GALNT13: variants seen among roughly 807,000 people sequenced by gnomAD.
The protein encoded by GALNT13 is UDP-GalNAc:polypeptide N-acetylgalactosaminyltransferase 13.
In GALNT13, 28 loss-of-function variants were observed where a neutral mutation model predicts 64.2. The ratio of observed to expected loss-of-function variants is 0.44; its 90% CI spans 0.32 to 0.60. The LOEUF (loss-of-function observed/expected upper bound fraction) is 0.60. Ranked by LOEUF, GALNT13 falls within the 20% of genes least tolerant of loss-of-function variation. The pLI is 0.05. For missense variants in GALNT13, 577 were observed against 669.8 expected, an observed-to-expected ratio of 0.86 and a Z score of 1.53; for synonymous variants, 214 against 224.6, an observed-to-expected ratio of 0.95 and a Z score of 0.42.
At chr2:153,961,454 A>G (rs1198431871) in intron 3 of GALNT13, among the ~76,000 whole-genome samples, 1 of 149,788 alleles carries the variant, frequency 6.7e-6, no homozygotes, top group Non-Finnish European at 1.5e-5. Flanking sequence ...ATTTTCATTC[A>G]CGTTTATATA....
chr2:153,860,634 A>T, the GALNT13 span, among the ~76,000 whole-genome samples: 124,991 of 152,176 alleles, frequency 0.82, 52,585 homozygotes, highest in Non-Finnish European at 0.9. Flanking sequence ...GAGAGAAGCA[A>T]TCACTTCCTA....
intron 3 of GALNT13, among the ~76,000 whole-genome samples, chr2:153,960,232 T>C (rs549580648): frequency 6.6e-6 from 1 of 152,362 alleles, no homozygotes; most frequent in South Asian, 2.1e-4. Context: ...TGCCAATTGC[T>C]GCTTCACTGA....
At chr2:153,360,667 T>C in the GALNT13 span, among the ~76,000 whole-genome samples, 23 of 152,040 alleles carry the variant, frequency 1.5e-4, no homozygotes, top group Non-Finnish European at 1.5e-5. Flanking sequence ...GGGGCCTCCC[T>C]GTAGTAACTC....
the GALNT13 span, among the ~76,000 whole-genome samples, chr2:153,595,962 T>A: frequency 7.9e-5 from 12 of 152,200 alleles, no homozygotes; most frequent in Non-Finnish European, 2.9e-5. Flanking sequence ...TGATTCTGAG[T>A]GGCTCAGCTG....
chr2:153,318,649 T>C, the GALNT13 span, among the ~76,000 whole-genome samples: 1 of 152,118 alleles, frequency 6.6e-6, no homozygotes, highest in African/African-American at 2.4e-5. Context: ...ATGTCAGATG[T>C]AGCCTTGGAC....
the GALNT13 span, among the ~76,000 whole-genome samples, chr2:153,126,327 TATATATATATA>T: frequency 1.9e-5 from 2 of 102,992 alleles, no homozygotes; most frequent in Non-Finnish European, 4.0e-5. Flanking sequence ...TATATATATA[TATATATATATA>T]TATATATATG....
chr2:153,265,566 A>G, the GALNT13 span, among the ~76,000 whole-genome samples: 1 of 152,164 alleles, frequency 6.6e-6, no homozygotes, highest in African/African-American at 2.4e-5. Context: ...GTGGTTGTAT[A>G]GGTGATTCAA....
the GALNT13 span, among the ~76,000 whole-genome samples, chr2:153,728,918 C>G: frequency 2.6e-5 from 4 of 152,162 alleles, no homozygotes; most frequent in Non-Finnish European, 5.9e-5. Flanking sequence ...GACACATTCA[C>G]CCTCCCAAGA....
At chr2:153,166,670 T>TGA in the GALNT13 span, among the ~76,000 whole-genome samples, 1 of 143,350 alleles carries the variant, frequency 7.0e-6, no homozygotes, top group Non-Finnish European at 1.5e-5. Context: ...TGTGTGTGTG[T>TGA]GATGGGACTG....
the GALNT13 span, among the ~76,000 whole-genome samples, chr2:153,145,777 G>T: frequency 6.6e-6 from 1 of 151,876 alleles, no homozygotes; most frequent in Non-Finnish European, 1.5e-5. Context: ...GGGGAAATCT[G>T]TGGCCATGAA....
At chr2:154,232,608 A>T (rs1688976132) in intron 4 of GALNT13, among the ~76,000 whole-genome samples, 1 of 152,170 alleles carries the variant, frequency 6.6e-6, no homozygotes, top group South Asian at 2.1e-4. Context: ...CTGAACTAGT[A>T]AAACACTGTA....
the GALNT13 span, among the ~76,000 whole-genome samples, chr2:153,429,149 A>G: frequency 1.2e-4 from 19 of 152,078 alleles, no homozygotes; most frequent in Non-Finnish European, 2.2e-4. Context: ...GCTTTTTTAT[A>G]TTATAAGGAT....
At chr2:153,574,462 T>C in the GALNT13 span, among the ~76,000 whole-genome samples, 2 of 152,220 alleles carry the variant, frequency 1.3e-5, no homozygotes, top group East Asian at 3.9e-4. Context: ...TACCTCATCT[T>C]TGAAGCCACC....
At chr2:153,394,740 T>C in the GALNT13 span, among the ~76,000 whole-genome samples, 7 of 152,282 alleles carry the variant, frequency 4.6e-5, no homozygotes, top group African/African-American at 1.4e-4. Flanking sequence ...TTCTTTTTTT[T>C]CCCAAATAAT....
At chr2:153,749,472 T>A in the GALNT13 span, among the ~76,000 whole-genome samples, 1 of 152,044 alleles carries the variant, frequency 6.6e-6, no homozygotes, top group Non-Finnish European at 1.5e-5. Context: ...TCTATGAACA[T>A]GGAATACATT....
At chr2:154,415,959 G>A (rs1242465460) in intron 11 of GALNT13, among the ~76,000 whole-genome samples, 1 of 152,122 alleles carries the variant, frequency 6.6e-6, no homozygotes, top group Non-Finnish European at 1.5e-5. Flanking sequence ...TATGAGGAAA[G>A]AAGGAAAATC....
intron 9 of GALNT13, among the ~76,000 whole-genome samples, chr2:154,360,011 T>TAGAA (rs1559112185): frequency 2.0e-5 from 3 of 152,130 alleles, no homozygotes; most frequent in Admixed American, 2.0e-4. Flanking sequence ...AAGACAATAT[T>TAGAA]ATGTCTAAGA....
chr2:153,134,833 A>G, the GALNT13 span, among the ~76,000 whole-genome samples: 1 of 152,108 alleles, frequency 6.6e-6, no homozygotes, highest in Non-Finnish European at 1.5e-5. Context: ...TCCTCCGTTT[A>G]AGGTAGCAAT....
intron 11 of GALNT13, among the ~76,000 whole-genome samples, chr2:154,414,514 T>G (rs935317619): frequency 4.6e-5 from 7 of 151,546 alleles, no homozygotes; most frequent in African/African-American, 1.5e-4. Flanking sequence ...TATATTTTTT[T>G]TTTGTTTTTT....
Sources: allele counts gnomAD v4.1 joint callset (sites outside exome capture counted in the v4.1 genomes callset), GRCh38; gene constraint gnomAD v4.1.1; transcripts MANE v1.5; gene names NCBI Gene and HGNC (gene_info 2026-07-23, HGNC 2026-07-21).